The following TRDMT1 variants were observed in gnomAD, a reference collection of about 807,000 sequenced individuals.
The protein encoded by TRDMT1 is tRNA aspartic acid methyltransferase 1, also known as tRNA (cytosine(38)-C(5))-methyltransferase.
In TRDMT1, 49 loss-of-function variants were observed where a neutral mutation model predicts 51.2. That is an observed-to-expected ratio of 0.96 (90% confidence interval 0.76 to 1.21). The LOEUF (loss-of-function observed/expected upper bound fraction) is 1.21. TRDMT1 is among the 50% of genes most tolerant of loss of function. The pLI, the probability that TRDMT1 is intolerant of heterozygous loss-of-function variation, is 0.00. For synonymous variants in TRDMT1, 187 were observed against 164.6 expected (o/e 1.14, Z -1.04); for missense variants, 534 against 462.3 (o/e 1.16, Z -1.42).
chr10:17,186,090 T>TAAATAA lies in TRDMT1; in HGVS notation c.65-11431_65-11430insTTATTT, dbSNP rs529154623. 6.1e-3 allele frequency among the ~76,000 whole-genome samples: 653 copies of TAAATAA among 107,006 alleles called. 5 individuals carry two copies. The highest frequency in any genetic ancestry group is 0.017 in the African/African-American group (594 of 35,420). 70.2% of individuals were successfully genotyped at this position (107,006 alleles called of 152,430 possible). ...AAATAAATAAATAAATAAATAAATA[T>TAAATAA]GGTCAATGCAGTTGTGAGCATCAAT... On this transcript the variant is annotated intron_variant, in intron 1 of 10. Transcript: ENST00000377799.
chr10:17,162,202 G>T lies in TRDMT1; in HGVS notation c.287C>A (p.Thr96Lys). Residue 96 changes from threonine (T) to lysine (K), a missense_variant, in exon 4 of 11, where the codon ACG becomes AAG. Transcript: ENST00000377799. ...GRQGDMTDSRTNSFLHILDIL... is the reference protein window; with the variant it reads ...GRQGDMTDSRKNSFLHILDIL... ...ATCTAGAATATGTAAGAAGCTATTC[G>T]TCCTTGAATCAGTCATATCACCCTG... 6.2e-7 allele frequency: 1 copy of T among 1,606,512 alleles called. No individual in the cohort carries two copies. The highest frequency in any genetic ancestry group is 1.4e-5 in the African/African-American group (1 of 73,446).
At position 17,143,204 on chromosome 10, in the gene TRDMT1, T is replaced by C; in HGVS notation, c.*5836A>G. Reference sequence around the variant, plus strand: ...GGTGCTTTCTATGTAGCTTCAATATTGATTCCAGTATGGTTCCTACATTCA... The same window carrying C: ...GGTGCTTTCTATGTAGCTTCAATATCGATTCCAGTATGGTTCCTACATTCA... On this transcript the variant is annotated 3_prime_UTR_variant, in exon 11 of 11. Coordinates refer to ENST00000377799, the MANE Select transcript of TRDMT1 (RefSeq NM_004412.7). 2 of 985,460 alleles carry C rather than the reference T, an allele frequency of 2.0e-6. No individual in the cohort carries two copies. The highest frequency in any genetic ancestry group is 9.4e-5 in the South Asian group (2 of 21,290). The allele number at this position is 985,460 out of a possible 1,614,324, so 61.0% of individuals were successfully genotyped here. A position where few individuals can be genotyped will look rare whatever the true frequency, so the allele number is the denominator to read the frequency against.
intron 8 of TRDMT1, among the ~76,000 whole-genome samples, chr10:17,157,216 T>C (rs1379560355): frequency 6.6e-6 from 1 of 152,176 alleles, no homozygotes; most frequent in African/African-American, 2.4e-5. Context: ...ACAAATGACA[T>C]TGTCTTTTAT....
intron 10 of TRDMT1, 75 bp from the exon 11 acceptor site, chr10:17,149,215 G>C: frequency 8.8e-7 from 1 of 1,135,310 alleles, no homozygotes; most frequent in Non-Finnish European, 1.3e-6. Context: ...GTATCCTTTA[G>C]TAAGGGCACA....
chr10:17,162,346 G>GT, intron 3 of TRDMT1, 109 bp from the exon 4 acceptor site: 1 of 1,017,102 alleles, frequency 9.8e-7, no homozygotes, highest in South Asian at 1.6e-5. Context: ...ATAAAAATAA[G>GT]TTGGTCCTCA....
chr10:17,147,298 T>C lies in TRDMT1; in HGVS notation c.*1742A>G, dbSNP rs754409225. ...ATATGAAAAATGTAGATAGTGATAG[T>C]TTCTGTATATGGGCTGGCTTACAGC... On this transcript the variant is annotated 3_prime_UTR_variant, in exon 11 of 11. Transcript: ENST00000377799. 1.5e-5 allele frequency: 15 copies of C among 985,526 alleles called. No homozygotes were observed. The highest frequency in any genetic ancestry group is 6.1e-5 in the Admixed American group (1 of 16,268). 61.0% of individuals were successfully genotyped at this position (985,526 alleles called of 1,614,324 possible). A position where few individuals can be genotyped will look rare whatever the true frequency, so the allele number is the denominator to read the frequency against.
intron 2 of TRDMT1, among the ~76,000 whole-genome samples, chr10:17,171,146 C>T (rs1280332221): frequency 1.9e-5 from 2 of 105,816 alleles, no homozygotes; most frequent in Non-Finnish European, 4.3e-5. Flanking sequence ...TGTGTGTAGT[C>T]AAGATCTCAG....
chr10:17,171,233 C>A (rs1841957350), intron 2 of TRDMT1, among the ~76,000 whole-genome samples: 2 of 152,004 alleles, frequency 1.3e-5, no homozygotes, highest in Non-Finnish European at 2.9e-5. Flanking sequence ...GTGTCCTTAT[C>A]TGAGGCCTTG....
intron 1 of TRDMT1, 69 bp downstream of exon 1, chr10:17,201,484 GTCTCGCCGCTCCGCCCCT>G (rs1372106234): frequency 3.1e-6 from 3 of 973,806 alleles, no homozygotes; most frequent in Non-Finnish European, 4.5e-6. Context: ...CGCCCCTTGC[GTCTCGCCGCTCCGCCCCT>G]TCCCGGCGCG....
intron 7 of TRDMT1, among the ~76,000 whole-genome samples, chr10:17,158,689 T>A (rs968920571): frequency 6.6e-6 from 1 of 152,212 alleles, no homozygotes; most frequent in Non-Finnish European, 1.5e-5. Context: ...ATCATTACTA[T>A]ATTTTAATCA....
At chr10:17,196,567 G>A (rs990243173) in intron 1 of TRDMT1, among the ~76,000 whole-genome samples, 6 of 152,208 alleles carry the variant, frequency 3.9e-5, no homozygotes, top group African/African-American at 1.4e-4. Flanking sequence ...CCAAAACTTT[G>A]TAGACTGTGC....
chr10:17,168,718 T>C (rs1299082721), intron 3 of TRDMT1, 123 bp downstream of exon 3: 2 of 656,048 alleles, frequency 3.0e-6, no homozygotes, highest in Non-Finnish European at 2.6e-6. Context: ...GAGGTTTCCC[T>C]AGCCACATGG....
In TRDMT1 at chr10:17,148,062, T is replaced by G. The variant is rs1838273649; in HGVS notation, c.*978A>C. On this transcript the variant is annotated 3_prime_UTR_variant, in exon 11 of 11. Coordinates refer to ENST00000377799, the MANE Select transcript of TRDMT1 (RefSeq NM_004412.7). ...TCTCTCTTCTCTTTGTCACTTGCTT[T>G]TATCACAAACCATAGAATTTATGAT... The G allele has an allele frequency of 1.0e-6, 1 of 985,264 alleles. No homozygotes were observed. 61.0% of individuals were successfully genotyped at this position (985,264 alleles called of 1,614,324 possible). A position where few individuals can be genotyped will look rare whatever the true frequency, so the allele number is the denominator to read the frequency against.
At chr10:17,189,445 A>C (rs1333477663) in intron 1 of TRDMT1, among the ~76,000 whole-genome samples, 1 of 152,206 alleles carries the variant, frequency 6.6e-6, no homozygotes. Context: ...TGGTACCAAC[A>C]TTCTGACAGT....
chr10:17,178,574 G>T (rs11254429), intron 1 of TRDMT1, among the ~76,000 whole-genome samples: 2 of 151,522 alleles, frequency 1.3e-5, no homozygotes, highest in Non-Finnish European at 2.9e-5. Flanking sequence ...TACTCAGGAG[G>T]CTGAAGCAGG....
In TRDMT1 at chr10:17,143,835, A is replaced by G. The variant is rs779174486; in HGVS notation, c.*5205T>C. On this transcript the variant is annotated 3_prime_UTR_variant, in exon 11 of 11. Coordinates refer to ENST00000377799, the MANE Select transcript of TRDMT1 (RefSeq NM_004412.7). ...AAGCTTGAACTTGGAAGATGTGGAG[A>G]CTAACCGTACCATAAATATTAAAGT... The G allele has an allele frequency of 3.0e-6, 3 of 985,426 alleles. No homozygotes were observed. The highest frequency in any genetic ancestry group is 3.6e-6 in the Non-Finnish European group (3 of 829,924). The allele number at this position is 985,426 out of a possible 1,614,324, so 61.0% of individuals were successfully genotyped here.
chr10:17,172,959 C>T (rs1842210748), intron 2 of TRDMT1, among the ~76,000 whole-genome samples: 1 of 151,442 alleles, frequency 6.6e-6, no homozygotes, highest in Non-Finnish European at 1.5e-5. Flanking sequence ...CCTAGAGAAT[C>T]CAACAGGAAA....
In TRDMT1 at chr10:17,138,405, T is replaced by G. The variant is rs1837485913; in HGVS notation, c.*10635A>C. Among the ~76,000 whole-genome samples the G allele has an allele frequency of 6.6e-6, 1 of 152,246 alleles. No individual in the cohort carries two copies. Among genetic ancestry groups the G allele is most frequent in the African/African-American group, 2.4e-5 (1 of 41,478 alleles). On this transcript the variant is annotated 3_prime_UTR_variant, in exon 11 of 11. Coordinates refer to ENST00000377799, the MANE Select transcript of TRDMT1 (RefSeq NM_004412.7). ...TGCAAAATTTCAGGGCAATATAACA[T>G]TGTTCCAATTCTTTCATTTTCCATG...
In TRDMT1 at chr10:17,147,212, A is replaced by G; in HGVS notation, c.*1828T>C. The G allele has an allele frequency of 1.0e-6, 1 of 985,848 alleles. No individual in the cohort carries two copies. The highest frequency in any genetic ancestry group is 5.2e-4 in the Middle Eastern group (1 of 1,914). 61.1% of individuals were successfully genotyped at this position (985,848 alleles called of 1,614,324 possible). On this transcript the variant is annotated 3_prime_UTR_variant, in exon 11 of 11. Transcript: ENST00000377799. ...AACAGAACCTACATGAAAGTGTGCC[A>G]AAATAATTTGTGATTGTTTACTGAA...
Sources: gnomAD v4.1 joint callset for allele counts (sites outside exome capture counted in the v4.1 genomes callset) on GRCh38, gnomAD v4.1.1 for gene constraint, MANE v1.5 for transcripts, NCBI Gene and HGNC (gene_info 2026-07-23, HGNC 2026-07-21) for gene names.